LRRTM4: variants seen among roughly 807,000 people sequenced by gnomAD.
The protein encoded by LRRTM4 is leucine-rich repeat transmembrane neuronal protein 4.
In LRRTM4, 25 loss-of-function variants were observed where a neutral mutation model predicts 47.6. That is an observed-to-expected ratio of 0.53 (90% CI 0.38 to 0.73). The LOEUF is 0.73. Among genes scored for constraint, LRRTM4 ranks in the 30% least tolerant of loss-of-function variants. The pLI, the probability that LRRTM4 is intolerant of heterozygous loss-of-function variation, is 0.00. For synonymous variants in LRRTM4, 311 were observed against 269.5 expected (o/e 1.15, Z -1.51); for missense variants, 638 against 713.4 (o/e 0.89, Z 1.20).
chr2:76,948,372 T>C (rs1198280107), intron 3 of LRRTM4, among the ~76,000 whole-genome samples: 1 of 151,872 alleles, frequency 6.6e-6, no homozygotes, highest in Non-Finnish European at 1.5e-5. Flanking sequence ...AAGACAAATG[T>C]CTTGCCTTTT....
At chr2:77,196,433 T>C (rs1673828365) in intron 3 of LRRTM4, among the ~76,000 whole-genome samples, 1 of 151,998 alleles carries the variant, frequency 6.6e-6, no homozygotes, top group African/African-American at 2.4e-5. Flanking sequence ...AAAGAAAAAA[T>C]TACTATTTAA....
chr2:77,483,130 A>C (rs1677780670), intron 3 of LRRTM4, among the ~76,000 whole-genome samples: 1 of 80,602 alleles, frequency 1.2e-5, no homozygotes, highest in South Asian at 3.3e-4. Flanking sequence ...AAAAAAAAAA[A>C]AAAAAAAAAA....
chr2:76,751,997 A>G (rs72815415), intron 3 of LRRTM4, among the ~76,000 whole-genome samples: 18,847 of 152,228 alleles, frequency 0.12, 1,481 homozygotes, highest in Non-Finnish European at 0.18. Flanking sequence ...ACTTAAATAC[A>G]TGACTAATTT....
intron 3 of LRRTM4, among the ~76,000 whole-genome samples, chr2:77,016,444 G>A (rs1678074558): frequency 6.6e-6 from 1 of 151,556 alleles, no homozygotes; most frequent in Admixed American, 6.6e-5. Context: ...TCTGATTGCT[G>A]AATAGAAACA....
intron 3 of LRRTM4, among the ~76,000 whole-genome samples, chr2:77,023,026 G>A (rs1678329252): frequency 6.6e-6 from 1 of 152,240 alleles, no homozygotes; most frequent in African/African-American, 2.4e-5. Flanking sequence ...ACTTCTGCCT[G>A]GACATCCAGG....
chr2:77,236,053 A>T (rs1042010445), intron 3 of LRRTM4, among the ~76,000 whole-genome samples: 9 of 152,174 alleles, frequency 5.9e-5, no homozygotes, highest in Middle Eastern at 3.4e-3. Flanking sequence ...TAATTTTGTG[A>T]AAAATGATGT....
intron 3 of LRRTM4, among the ~76,000 whole-genome samples, chr2:77,095,265 T>G (rs926481830): frequency 6.6e-6 from 1 of 152,120 alleles, no homozygotes; most frequent in East Asian, 1.9e-4. Context: ...ATAGCAAGTT[T>G]TGGCAGGGAT....
At chr2:77,139,410 G>A (rs1264372300) in intron 3 of LRRTM4, among the ~76,000 whole-genome samples, 2 of 152,126 alleles carry the variant, frequency 1.3e-5, no homozygotes, top group Non-Finnish European at 2.9e-5. Flanking sequence ...AAAGGACTTT[G>A]ACAAAATTCA....
intron 3 of LRRTM4, among the ~76,000 whole-genome samples, chr2:77,310,772 C>T (rs1360326421): frequency 6.6e-6 from 1 of 152,136 alleles, no homozygotes; most frequent in Non-Finnish European, 1.5e-5. Flanking sequence ...CCTGTACAGA[C>T]TACCATGATT....
intron 3 of LRRTM4, among the ~76,000 whole-genome samples, chr2:76,974,328 T>C (rs1676345375): frequency 6.7e-6 from 1 of 149,402 alleles, no homozygotes; most frequent in South Asian, 2.1e-4. Flanking sequence ...AATTTAAGCC[T>C]ATTTTGGCTT....
intron 3 of LRRTM4, among the ~76,000 whole-genome samples, chr2:76,971,832 A>G (rs1039824595): frequency 9.2e-5 from 14 of 152,210 alleles, no homozygotes; most frequent in Admixed American, 6.5e-4. Flanking sequence ...AGGCCCACAA[A>G]ATATACGGAC....
At chr2:76,817,427 G>A (rs77664798) in intron 3 of LRRTM4, among the ~76,000 whole-genome samples, 4,087 of 152,024 alleles carry the variant, frequency 0.027, 184 homozygotes, top group East Asian at 0.08. Flanking sequence ...TGAGCATGTA[G>A]GAGATAGAGC....
chr2:77,481,938 A>G (rs903525297), intron 3 of LRRTM4, among the ~76,000 whole-genome samples: 5 of 151,524 alleles, frequency 3.3e-5, no homozygotes, highest in Admixed American at 6.6e-5. Context: ...CATGAAATAC[A>G]CCACTTCTCT....
At chr2:76,852,221 C>G (rs1284680069) in intron 3 of LRRTM4, among the ~76,000 whole-genome samples, 1 of 152,128 alleles carries the variant, frequency 6.6e-6, no homozygotes, top group African/African-American at 2.4e-5. Flanking sequence ...TAGTCTTCCA[C>G]AACTTCTGTT....
At chr2:77,479,773 C>G (rs1426171642) in intron 3 of LRRTM4, among the ~76,000 whole-genome samples, 1 of 151,814 alleles carries the variant, frequency 6.6e-6, no homozygotes, top group African/African-American at 2.4e-5. Context: ...TTTCTCTTCT[C>G]TCCATCTCTC....
At chr2:77,131,032 C>T (rs1490650694) in intron 3 of LRRTM4, among the ~76,000 whole-genome samples, 2 of 148,430 alleles carry the variant, frequency 1.3e-5, no homozygotes, top group African/African-American at 5.0e-5. Flanking sequence ...GACGGGGTTT[C>T]ACCGTTTTAG....
intron 3 of LRRTM4, among the ~76,000 whole-genome samples, chr2:77,035,215 C>T (rs1309665334): frequency 2.0e-5 from 3 of 151,572 alleles, no homozygotes; most frequent in African/African-American, 4.8e-5. Context: ...CTCCCCTTCC[C>T]CCCACCCCGG....
chr2:77,519,698 C>A lies in LRRTM4; in HGVS notation c.171G>T (p.Glu57Asp). The A allele has an allele frequency of 1.2e-6, 2 of 1,613,352 alleles. No homozygotes were observed. The highest frequency in any genetic ancestry group is 1.7e-6 in the Non-Finnish European group (2 of 1,179,594). The change falls in exon 3 of 4, where the codon GAG becomes GAT. Residue 57 changes from glutamate (E) to aspartate (D), a missense_variant. Coordinates refer to ENST00000409884, the MANE Select transcript of LRRTM4 (RefSeq NM_001134745.3). This position sits in a 1 kb window ranked among gnomAD's most constrained non-coding sequence, Gnocchi z 4.6. ...AGCCTTGTGACCCTCCAGAAATGTTCTCAGGGATATCTGCGAAAGCATGAG... is the reference window on the plus strand; with the variant it reads ...AGCCTTGTGACCCTCCAGAAATGTTATCAGGGATATCTGCGAAAGCATGAG... ...CESHAFADIP[E>D]NISGGSQGLS...
rs1396717747 is a variant in LRRTM4, at chr2:76,792,437, T to A, written c.1552-43521A>T. The stretch of plus-strand genomic sequence containing the variant: ...GACACATCTTTCATGCAAAACACTC[T>A]GCTGGGAACTATGGTAATCCAAAGA... On this transcript the variant is annotated intron_variant, in intron 3 of 3. Transcript: ENST00000409884. Among the ~76,000 whole-genome samples the A allele has an allele frequency of 2.6e-5, 4 of 152,174 alleles. No individual in the cohort carries two copies. The South Asian group carries it at 8.3e-4, about 32-fold the overall frequency.
Sources: allele counts gnomAD v4.1 joint callset (sites outside exome capture counted in the v4.1 genomes callset), GRCh38; gene constraint gnomAD v4.1.1; non-coding constraint Gnocchi (gnomAD v3.1); transcripts MANE v1.5; gene names NCBI Gene and HGNC (gene_info 2026-07-23, HGNC 2026-07-21).